ADAM18: variants seen among roughly 807,000 people sequenced by gnomAD.
ADAM18 encodes disintegrin and metalloproteinase domain-containing protein 18.
A neutral mutation model predicts 94.4 loss-of-function variants in ADAM18; 117 were observed. That is an observed-to-expected ratio of 1.24 (90% CI 1.07 to 1.45). The LOEUF is 1.45. ADAM18 is among the 40% of genes most tolerant of loss of function. The pLI, the probability that ADAM18 is intolerant of heterozygous loss-of-function variation, is 0.00. For synonymous variants in ADAM18, 327 were observed against 291.6 expected, an observed-to-expected ratio of 1.12 and a Z score of -1.24; for missense variants, 936 against 880.0, an observed-to-expected ratio of 1.06 and a Z score of -0.81.
In ADAM18 at chr8:39,725,479, C is replaced by T. The variant is rs150179231; in HGVS notation, c.2177+1572C>T. The stretch of plus-strand genomic sequence containing the variant: ...ATAACTGAATCTTTGTACCCTTTAA[C>T]CACCACCTTCCCATTCTCTGCTCCC... On this transcript the variant is annotated intron_variant, in intron 19 of 19. Coordinates refer to ENST00000265707, the MANE Select transcript of ADAM18 (RefSeq NM_014237.3). 5.7e-3 allele frequency among the ~76,000 whole-genome samples: 865 copies of T among 152,220 alleles called. 12 individuals carry two copies. The highest frequency in any genetic ancestry group is 0.027 in the Middle Eastern group (8 of 294).
At position 39,638,476 on chromosome 8, in the gene ADAM18, A is replaced by G. The variant is rs201325388; in HGVS notation, c.839A>G (p.His280Arg). The G allele has an allele frequency of 3.2e-6, 5 of 1,561,768 alleles. No individual in the cohort carries two copies. Among genetic ancestry groups the G allele is most frequent in the Non-Finnish European group, 4.3e-6 (5 of 1,151,568 alleles). ...DIAYLLVYRK[H>R]PKYVGATFPG... is the part of the protein sequence containing the mutation. ...TTATAATAATGTAGTTACAGGAAAC[A>G]TCCTAAATATGTGGGAGCAACATTT... is the stretch of plus-strand genomic sequence containing the variant. Residue 280 changes from histidine (H) to arginine (R), a missense_variant, in exon 10 of 20, where the codon CAT (histidine) becomes CGT (arginine). Transcript: ENST00000265707.
chr8:39,717,472 C>G (rs182298426), intron 18 of ADAM18, among the ~76,000 whole-genome samples: 159 of 151,806 alleles, frequency 1.0e-3, no homozygotes, highest in African/African-American at 3.6e-3. Flanking sequence ...CTTTTCATTT[C>G]AACCGGAAGA....
intron 6 of ADAM18, among the ~76,000 whole-genome samples, chr8:39,628,061 G>T (rs1040683807): frequency 1.3e-5 from 2 of 151,928 alleles, no homozygotes; most frequent in Non-Finnish European, 2.9e-5. Flanking sequence ...TGTTTGCAAG[G>T]TTTCTGCTGA....
intron 2 of ADAM18, among the ~76,000 whole-genome samples, chr8:39,591,505 G>A (rs993387224): frequency 1.3e-5 from 2 of 152,064 alleles, no homozygotes; most frequent in South Asian, 4.1e-4. Flanking sequence ...TTGCTCACCC[G>A]TGAGAAGTAA....
At chr8:39,690,846 A>G (rs1383789814) in intron 16 of ADAM18, among the ~76,000 whole-genome samples, 4 of 152,186 alleles carry the variant, frequency 2.6e-5, no homozygotes, top group African/African-American at 9.7e-5. Context: ...CAACCATCCC[A>G]CTTCTGGGTA....
intron 6 of ADAM18, among the ~76,000 whole-genome samples, chr8:39,623,754 G>A (rs2129578873): frequency 6.6e-6 from 1 of 152,048 alleles, no homozygotes; most frequent in Admixed American, 6.5e-5. Context: ...CTGCCACCAT[G>A]CCCGGCTAAT....
chr8:39,652,676 A>G (rs1585942160), intron 12 of ADAM18, among the ~76,000 whole-genome samples: 1 of 152,214 alleles, frequency 6.6e-6, no homozygotes, highest in Non-Finnish European at 1.5e-5. Flanking sequence ...CAGTGATCCC[A>G]TTACTGGATA....
chr8:39,630,680 G>A (rs570342879), intron 7 of ADAM18, among the ~76,000 whole-genome samples: 1 of 151,932 alleles, frequency 6.6e-6, no homozygotes, highest in East Asian at 1.9e-4. Context: ...GTGCTATTAT[G>A]AATAAAATTG....
rs35441806 is a variant in ADAM18, at chr8:39,723,906, C to T, written c.2176C>T (p.Arg726Cys). ...TAACAGAGAGAATGCAGAGTATAATCGGTAAATATGATATAGAATCAATGT... is the reference window on the plus strand; with the variant it reads ...TAACAGAGAGAATGCAGAGTATAATTGGTAAATATGATATAGAATCAATGT... ...SCNRENAEYN[R>C]NSSVVSESDD... Residue 726 changes from arginine (R) to cysteine (C), a missense_variant and splice_region_variant, in exon 19 of 20, where the codon CGT becomes TGT. Coordinates refer to ENST00000265707, the MANE Select transcript of ADAM18 (RefSeq NM_014237.3). The T allele has an allele frequency of 1.5e-4, 222 of 1,495,858 alleles. No individual in the cohort carries two copies. The highest frequency in any genetic ancestry group is 1.8e-4 in the Non-Finnish European group (195 of 1,108,250). 92.7% of individuals were successfully genotyped at this position (1,495,858 alleles called of 1,614,324 possible).
chr8:39,599,667 AT>A (rs1302215119), intron 2 of ADAM18, among the ~76,000 whole-genome samples: 15 of 152,180 alleles, frequency 9.9e-5, no homozygotes, highest in East Asian at 1.9e-4. Context: ...CTTTTAAAAA[AT>A]GTCATGTTTT....
intron 2 of ADAM18, among the ~76,000 whole-genome samples, chr8:39,593,491 A>T (rs570739847): frequency 7.2e-5 from 11 of 152,300 alleles, no homozygotes; most frequent in African/African-American, 2.6e-4. Context: ...TTAAAATTAT[A>T]TTTAAAAAAC....
At chr8:39,658,069 G>A (rs1820735698) in intron 12 of ADAM18, among the ~76,000 whole-genome samples, 1 of 152,180 alleles carries the variant, frequency 6.6e-6, no homozygotes, top group Non-Finnish European at 1.5e-5. Context: ...TCTTTGAGCT[G>A]AGATTACCAA....
Position 39,706,869 on chromosome 8 carries a change from G to C in ADAM18, c.1982G>C (p.Gly661Ala), listed in dbSNP as rs774247682. The C allele has an allele frequency of 1.1e-5, 18 of 1,608,248 alleles. No homozygotes were observed. Among genetic ancestry groups the C allele is most frequent in the Non-Finnish European group, 1.5e-5 (18 of 1,176,198 alleles). Residue 661 changes from glycine (G) to alanine (A), a missense_variant, in exon 18 of 20, where the codon GGG becomes GCG. Gly to Ala is a moderately conservative substitution (Grantham distance 60). Coordinates refer to ENST00000265707, the MANE Select transcript of ADAM18 (RefSeq NM_014237.3). ...PDCKFQFGSP[G>A]GSIDDGNFQK... ...TGTAAATTCCAGTTTGGTTCCCCAG[G>C]GGGTAGTATTGATGATGGAAATTTT...
At chr8:39,654,155 T>C (rs900121025) in intron 12 of ADAM18, among the ~76,000 whole-genome samples, 2 of 141,668 alleles carry the variant, frequency 1.4e-5, no homozygotes, top group African/African-American at 5.3e-5. Flanking sequence ...ATTTCATTCC[T>C]TTTTTTTTTT....
chr8:39,664,982 G>A (rs942315791), intron 13 of ADAM18, among the ~76,000 whole-genome samples: 4 of 151,864 alleles, frequency 2.6e-5, no homozygotes, highest in African/African-American at 7.3e-5. Context: ...TTCTGTTAGT[G>A]AATATTCCCA....
chr8:39,584,794 C>A, intron 1 of ADAM18, 117 bp downstream of exon 1: 1 of 1,178,924 alleles, frequency 8.5e-7, no homozygotes, highest in Non-Finnish European at 1.2e-6. Flanking sequence ...GGATCCCATG[C>A]TGGTGCTTCT....
At chr8:39,666,013 C>G (rs922668641) in intron 13 of ADAM18, among the ~76,000 whole-genome samples, 4 of 151,990 alleles carry the variant, frequency 2.6e-5, no homozygotes, top group Non-Finnish European at 5.9e-5. Flanking sequence ...TCATTTATGT[C>G]CTCTGAAAAT....
intron 12 of ADAM18, among the ~76,000 whole-genome samples, chr8:39,659,500 T>A (rs534763908): frequency 1.3e-5 from 2 of 152,144 alleles, no homozygotes; most frequent in East Asian, 1.9e-4. Flanking sequence ...ACTAAGAAGA[T>A]GGGCAAGATA....
chr8:39,591,559 G>T lies in ADAM18; in HGVS notation c.132+6207G>T, dbSNP rs146068883. Among the ~76,000 whole-genome samples, 1,254 of 152,198 alleles carry T rather than the reference G, an allele frequency of 8.2e-3. 23 individuals are homozygous for T. Among genetic ancestry groups the T allele is most frequent in the African/African-American group, 0.029 (1,186 of 41,506 alleles). On this transcript the variant is annotated intron_variant, in intron 2 of 19. Coordinates refer to ENST00000265707, the MANE Select transcript of ADAM18 (RefSeq NM_014237.3). ...TTTATTATGAGATAGCAAAATTTCA[G>T]TCATATCTTCAGCCTCCACTCCTAA...
Sources: gnomAD v4.1 joint callset for allele counts (sites outside exome capture counted in the v4.1 genomes callset) on GRCh38, gnomAD v4.1.1 for gene constraint, MANE v1.5 for transcripts, NCBI Gene and HGNC (gene_info 2026-07-23, HGNC 2026-07-21) for gene names.